The following CDIP1 variants were observed in gnomAD, a reference collection of about 807,000 sequenced individuals.
The protein encoded by CDIP1 is cell death-inducing p53-target protein 1.
A neutral mutation model predicts 17.7 loss-of-function variants in CDIP1; 9 were observed. The ratio of observed to expected loss-of-function variants is 0.51; its 90% CI spans 0.31 to 0.89. CDIP1 has a LOEUF of 0.89. Ranked by LOEUF, CDIP1 falls within the 40% of genes least tolerant of loss-of-function variation. The pLI, the probability that CDIP1 is intolerant of heterozygous loss-of-function variation, is 0.05. For missense variants in CDIP1, 263 were observed against 277.9 expected (o/e 0.95, Z 0.38); for synonymous variants, 117 against 109.5 (o/e 1.07, Z -0.43).
At chr16:4,531,642 G>A (rs909749138) in intron 1 of CDIP1, among the ~76,000 whole-genome samples, 3 of 152,246 alleles carry the variant, frequency 2.0e-5, no homozygotes, top group Non-Finnish European at 4.4e-5. Context: ...TCCGAGGAGA[G>A]AAGTGGCTGC....
intron 1 of CDIP1, among the ~76,000 whole-genome samples, chr16:4,524,765 A>G (rs1307652926): frequency 2.0e-5 from 3 of 152,224 alleles, no homozygotes; most frequent in Non-Finnish European, 4.4e-5. Flanking sequence ...CTGGTTAATT[A>G]TTGGTAAATT....
chr16:4,519,262 C>A (rs986429152), intron 1 of CDIP1, among the ~76,000 whole-genome samples: 4 of 152,154 alleles, frequency 2.6e-5, no homozygotes, highest in African/African-American at 9.7e-5. Context: ...ACTTCTGTGG[C>A]AAAACATGTG....
chr16:4,519,732 C>G (rs1397929707), intron 1 of CDIP1, among the ~76,000 whole-genome samples: 1 of 152,100 alleles, frequency 6.6e-6, no homozygotes. Flanking sequence ...TGACTTCTCA[C>G]TCTGTTAGTC....
chr16:4,517,214 A>T (rs769396321), intron 1 of CDIP1, among the ~76,000 whole-genome samples: 2 of 152,276 alleles, frequency 1.3e-5, no homozygotes, highest in South Asian at 4.1e-4. Context: ...GCCAGTTATT[A>T]ATTTTCATAT....
At chr16:4,538,561 AGGC>A (rs2059136425) in intron 1 of CDIP1, 138 bp downstream of exon 1, 1 of 149,452 alleles carries the variant, frequency 6.7e-6, no homozygotes, top group Admixed American at 6.7e-5. Context: ...TGCACCGCCC[AGGC>A]GCCGCGGGCG....
In CDIP1 at chr16:4,514,393, G is replaced by T. The variant is rs912951432; in HGVS notation, c.-15+182C>A. Among the ~76,000 whole-genome samples the T allele has an allele frequency of 2.0e-5, 3 of 152,230 alleles. No individual in the cohort carries two copies. Among genetic ancestry groups the T allele is most frequent in the African/African-American group, 7.2e-5 (3 of 41,462 alleles). On this transcript the variant is annotated intron_variant, in intron 2 of 5. Transcript: ENST00000567695. This position sits in a 1 kb window ranked among gnomAD's most constrained non-coding sequence, Gnocchi z 5.2. ...GGGCAAGGACAGAACCCAGGAAGCA[G>T]GGCCCAGTGAGGTAAAGTCCCCCAA...
intron 1 of CDIP1, among the ~76,000 whole-genome samples, chr16:4,519,236 A>C (rs933644838): frequency 6.6e-6 from 1 of 152,190 alleles, no homozygotes; most frequent in African/African-American, 2.4e-5. Flanking sequence ...TCACACCATA[A>C]CAATCAACAG....
At chr16:4,532,514 C>G (rs1030978281) in intron 1 of CDIP1, 27 of 152,278 alleles carry the variant, frequency 1.8e-4, no homozygotes, top group African/African-American at 6.3e-4. Flanking sequence ...GAGCCGGGTC[C>G]TCTGGCCACA....
rs917341548 is a variant in CDIP1, at chr16:4,513,583, G to A, written c.241+113C>T. 1.6e-5 allele frequency: 14 copies of A among 894,378 alleles called. No individual in the cohort carries two copies. The highest frequency in any genetic ancestry group is 6.7e-5 in the African/African-American group (4 of 59,614). The allele number at this position is 894,378 out of a possible 1,614,324, so 55.4% of individuals were successfully genotyped here. A position where few individuals can be genotyped will look rare whatever the true frequency, so the allele number is the denominator to read the frequency against. The stretch of plus-strand genomic sequence containing the variant: ...AGCCCTAGGCAAGGGCTGGTTGGGC[G>A]TGTTGGAGTCCCTGCCCTACAGCAG... On this transcript the variant is annotated intron_variant, in intron 4 of 5. Coordinates refer to ENST00000567695, the MANE Select transcript of CDIP1 (RefSeq NM_013399.3). This position sits in a 1 kb window ranked among gnomAD's most constrained non-coding sequence, Gnocchi z 4.1.
rs1237708855 is a variant in CDIP1, at chr16:4,512,666, C to T, written c.533G>A (p.Cys178Tyr). Residue 178 changes from cysteine to tyrosine, a missense_variant, in exon 6 of 6, where the codon TGC becomes TAC. Physicochemically the swap from Cys to Tyr is radical, Grantham distance 194. Transcript: ENST00000567695. This position sits in a 1 kb window ranked among gnomAD's most constrained non-coding sequence, Gnocchi z 4.6. ...CCFMGCDLGC[C>Y]LIPCLINDFK... is the part of the protein sequence containing the mutation. ...GTCATTGATGAGGCAGGGGATCAGG[C>T]AGCAGCCCAGATCACATCTGAATCA... The T allele has an allele frequency of 6.2e-7, 1 of 1,613,724 alleles. No homozygotes were observed. The highest frequency in any genetic ancestry group is 1.7e-5 in the Admixed American group (1 of 60,020).
At chr16:4,526,828 C>A in intron 1 of CDIP1, among the ~76,000 whole-genome samples, 1 of 152,164 alleles carries the variant, frequency 6.6e-6, no homozygotes, top group Non-Finnish European at 1.5e-5. Context: ...GAAGCATGAG[C>A]CCTGTGTCGC....
chr16:4,519,719 G>A (rs746411069), intron 1 of CDIP1, among the ~76,000 whole-genome samples: 4 of 152,070 alleles, frequency 2.6e-5, no homozygotes, highest in African/African-American at 4.8e-5. Flanking sequence ...GAGGAGAAGC[G>A]AGTGACTTCT....
chr16:4,519,734 C>G (rs1382798072), intron 1 of CDIP1, among the ~76,000 whole-genome samples: 1 of 152,092 alleles, frequency 6.6e-6, no homozygotes. Flanking sequence ...ACTTCTCACT[C>G]TGTTAGTCCC....
chr16:4,527,058 G>A (rs1280045275), intron 1 of CDIP1, among the ~76,000 whole-genome samples: 1 of 151,590 alleles, frequency 6.6e-6, no homozygotes, highest in East Asian at 1.9e-4. Flanking sequence ...GCCTGAGAGA[G>A]GAAGTACACG....
intron 1 of CDIP1, among the ~76,000 whole-genome samples, chr16:4,527,702 C>A (rs2059014141): frequency 6.6e-6 from 1 of 152,180 alleles, no homozygotes; most frequent in South Asian, 2.1e-4. Context: ...CACAGATTCA[C>A]AGGCAAAGAT....
chr16:4,534,691 T>G lies in CDIP1; in HGVS notation c.-105+4011A>C, dbSNP rs897316980. Among the ~76,000 whole-genome samples, 15 of 125,452 alleles carry G rather than the reference T, an allele frequency of 1.2e-4. No individual in the cohort carries two copies. In the East Asian group the frequency reaches 1.2e-3, roughly 10 times the overall value. The allele number at this position is 125,452 out of a possible 152,430, so 82.3% of individuals were successfully genotyped here. On this transcript the variant is annotated intron_variant, in intron 1 of 5. Coordinates refer to ENST00000567695, the MANE Select transcript of CDIP1 (RefSeq NM_013399.3). ...GCCTGTGAGGCCGCTGTTTGCATGGTTTTTTTTTTTTTTTTTTTTTTTGGT... is the reference window on the plus strand; with the variant it reads ...GCCTGTGAGGCCGCTGTTTGCATGGGTTTTTTTTTTTTTTTTTTTTTTGGT...
At chr16:4,524,699 C>T (rs1037592880) in intron 1 of CDIP1, among the ~76,000 whole-genome samples, 17 of 152,204 alleles carry the variant, frequency 1.1e-4, no homozygotes, top group South Asian at 2.1e-4. Flanking sequence ...GACACCACAC[C>T]AGCAACTAAC....
intron 1 of CDIP1, among the ~76,000 whole-genome samples, chr16:4,532,011 A>C (rs951435228): frequency 2.0e-5 from 3 of 152,232 alleles, no homozygotes; most frequent in African/African-American, 7.2e-5. Flanking sequence ...CCTCTGAGCT[A>C]ATAGGCAATT....
intron 1 of CDIP1, chr16:4,533,081 C>T (rs2059072077): frequency 6.6e-6 from 1 of 152,240 alleles, no homozygotes. Flanking sequence ...CCTCAGGGAG[C>T]TGCAGATCTA....
Sources: gnomAD v4.1 joint callset for allele counts (sites outside exome capture counted in the v4.1 genomes callset) on GRCh38, gnomAD v4.1.1 for gene constraint, Gnocchi (gnomAD v3.1) non-coding constraint, MANE v1.5 for transcripts, NCBI Gene and HGNC (gene_info 2026-07-23, HGNC 2026-07-21) for gene names.